Variants in PIP5K1B observed in about 807,000 individuals in gnomAD.
PIP5K1B encodes the protein phosphatidylinositol 4-phosphate 5-kinase type-1 beta.
PIP5K1B carries 42 observed loss-of-function variants against 67.0 expected under a neutral mutation model. The ratio of observed to expected loss-of-function variants is 0.63; its 90% CI spans 0.49 to 0.81. The LOEUF is 0.81. Ranked by LOEUF, PIP5K1B falls within the 30% of genes least tolerant of loss-of-function variation. The pLI, the probability that PIP5K1B is intolerant of heterozygous loss-of-function variation, is 0.00. For missense variants in PIP5K1B, 459 were observed against 646.3 expected, an observed-to-expected ratio of 0.71 and a Z score of 3.14; for synonymous variants, 214 against 231.4, an observed-to-expected ratio of 0.92 and a Z score of 0.68.
intron 7 of PIP5K1B, among the ~76,000 whole-genome samples, chr9:68,891,588 C>A (rs983519833): frequency 6.6e-6 from 1 of 152,110 alleles, no homozygotes; most frequent in Non-Finnish European, 1.5e-5. Flanking sequence ...GAGTGCCCCT[C>A]CCATCAATAG....
intron 1 of PIP5K1B, among the ~76,000 whole-genome samples, chr9:68,726,351 C>T (rs1828148253): frequency 2.0e-5 from 3 of 152,114 alleles, no homozygotes; most frequent in Admixed American, 1.3e-4. Flanking sequence ...ACTGGAATTA[C>T]CTGGCCAAAA....
intron 6 of PIP5K1B, among the ~76,000 whole-genome samples, chr9:68,884,439 G>A (rs1824356174): frequency 6.6e-6 from 1 of 151,462 alleles, no homozygotes; most frequent in African/African-American, 2.4e-5. Flanking sequence ...TGTAGCAGGT[G>A]GATTGCTTAG....
At chr9:68,999,082 C>T (rs1830708877) in intron 15 of PIP5K1B, among the ~76,000 whole-genome samples, 1 of 152,180 alleles carries the variant, frequency 6.6e-6, no homozygotes, top group South Asian at 2.1e-4. Flanking sequence ...GGTGGCTCCA[C>T]ATGTCCCTTG....
chr9:68,839,796 G>T (rs1355927942), intron 4 of PIP5K1B, among the ~76,000 whole-genome samples: 1 of 152,176 alleles, frequency 6.6e-6, no homozygotes, highest in East Asian at 1.9e-4. Context: ...AAATGCCAGG[G>T]TGCTGTATTC....
At chr9:68,871,907 G>GT (rs11389667) in intron 5 of PIP5K1B, among the ~76,000 whole-genome samples, 64,283 of 147,874 alleles carry the variant, frequency 0.43, 14,073 homozygotes, top group South Asian at 0.5. Flanking sequence ...GTTGTCGGGT[G>GT]TTTTTTTTTT....
chr9:68,879,932 ACAT>A (rs1365930475), intron 6 of PIP5K1B, among the ~76,000 whole-genome samples: 4 of 152,244 alleles, frequency 2.6e-5, no homozygotes, highest in Non-Finnish European at 4.4e-5. Flanking sequence ...ATGTATCAAA[ACAT>A]CATGTTGTAT....
At chr9:68,733,732 C>T (rs1018861497) in intron 1 of PIP5K1B, among the ~76,000 whole-genome samples, 8 of 144,426 alleles carry the variant, frequency 5.5e-5, no homozygotes, top group South Asian at 2.2e-4. Context: ...CTCCGCCTCC[C>T]GGGTTCAGGC....
At chr9:68,887,726 C>G (rs747390327) in intron 6 of PIP5K1B, among the ~76,000 whole-genome samples, 1 of 152,070 alleles carries the variant, frequency 6.6e-6, no homozygotes, top group Non-Finnish European at 1.5e-5. Context: ...AACCTTTGAA[C>G]TAAGGGTGTT....
intron 13 of PIP5K1B, 83 bp from the exon 14 acceptor site, chr9:68,940,563 T>G: frequency 7.7e-7 from 1 of 1,296,026 alleles, no homozygotes; most frequent in Non-Finnish European, 1.1e-6. Flanking sequence ...AATGAATGCT[T>G]TTGACTCATT....
At chr9:68,839,392 A>G (rs1016215498) in intron 4 of PIP5K1B, among the ~76,000 whole-genome samples, 4 of 152,158 alleles carry the variant, frequency 2.6e-5, no homozygotes, top group African/African-American at 9.7e-5. Flanking sequence ...GGACGGGGAA[A>G]GAGAAGAAGG....
At chr9:68,822,734 A>G (rs1275530328) in intron 4 of PIP5K1B, 51 bp downstream of exon 4, 1 of 1,264,014 alleles carries the variant, frequency 7.9e-7, no homozygotes, top group Non-Finnish European at 1.2e-6. Context: ...GCTGTTTGGC[A>G]CGTGAATATT....
At chr9:68,764,075 T>C (rs1830312966) in intron 2 of PIP5K1B, among the ~76,000 whole-genome samples, 1 of 58,994 alleles carries the variant, frequency 1.7e-5, no homozygotes, top group African/African-American at 5.5e-5. Context: ...CTATAACTTC[T>C]TTTTTTTTTT....
At chr9:68,997,466 T>G (rs1404651659) in intron 15 of PIP5K1B, among the ~76,000 whole-genome samples, 1 of 152,174 alleles carries the variant, frequency 6.6e-6, no homozygotes, top group Non-Finnish European at 1.5e-5. Context: ...CTGCTCGGGT[T>G]TTTGGTAGAT....
chr9:68,894,847 A>G (rs1335159780), intron 8 of PIP5K1B, among the ~76,000 whole-genome samples: 5 of 152,220 alleles, frequency 3.3e-5, no homozygotes, highest in Admixed American at 1.3e-4. Flanking sequence ...CTTAACCTAC[A>G]TCTCTGTTGA....
chr9:69,002,199 T>C (rs1042387387), intron 15 of PIP5K1B, among the ~76,000 whole-genome samples: 5 of 152,196 alleles, frequency 3.3e-5, no homozygotes, highest in Non-Finnish European at 7.3e-5. Context: ...TTCATCCCAA[T>C]TGTACACATC....
intron 1 of PIP5K1B, among the ~76,000 whole-genome samples, chr9:68,715,023 A>T (rs574467649): frequency 4.5e-4 from 69 of 152,292 alleles, no homozygotes; most frequent in African/African-American, 1.5e-3. Context: ...CTAGGAATAA[A>T]ATCTAAGCCT....
At chr9:68,777,372 C>G (rs1047638289) in intron 2 of PIP5K1B, among the ~76,000 whole-genome samples, 1 of 152,152 alleles carries the variant, frequency 6.6e-6, no homozygotes, top group African/African-American at 2.4e-5. Context: ...AGCAAAGAAA[C>G]AGGCAAGAAA....
At chr9:68,988,444 G>GTTTTTTTTTT (rs61373302) in intron 14 of PIP5K1B, among the ~76,000 whole-genome samples, 7 of 110,008 alleles carry the variant, frequency 6.4e-5, no homozygotes, top group Admixed American at 1.0e-4. Flanking sequence ...TTTTTTTGGG[G>GTTTTTTTTTT]TTTTTTTTTT....
chr9:68,935,797 A>G (rs1314032665), intron 13 of PIP5K1B: 3 of 152,210 alleles, frequency 2.0e-5, no homozygotes, highest in Non-Finnish European at 4.4e-5. Flanking sequence ...CTCAGGAGGT[A>G]CTACACGTTC....
Sources: gnomAD v4.1 joint callset for allele counts (sites outside exome capture counted in the v4.1 genomes callset) on GRCh38, gnomAD v4.1.1 for gene constraint, MANE v1.5 for transcripts, NCBI Gene and HGNC (gene_info 2026-07-23, HGNC 2026-07-21) for gene names.